ITGA6: variants seen among roughly 807,000 people sequenced by gnomAD.
The protein encoded by ITGA6 is integrin subunit alpha 6.
A neutral mutation model predicts 133.6 loss-of-function variants in ITGA6; 63 were observed. The ratio of observed to expected loss-of-function variants is 0.47; its 90% CI spans 0.38 to 0.58. The LOEUF is 0.58. Among genes scored for constraint, ITGA6 ranks in the 20% least tolerant of loss-of-function variants. ITGA6 has a pLI of 0.00. For synonymous variants in ITGA6, 434 were observed against 482.0 expected, an observed-to-expected ratio of 0.90 and a Z score of 1.30; for missense variants, 1,068 against 1,309.4, an observed-to-expected ratio of 0.82 and a Z score of 2.85.
At chr2:172,431,256 G>C (rs1255049532) in intron 1 of ITGA6, among the ~76,000 whole-genome samples, 1 of 152,196 alleles carries the variant, frequency 6.6e-6, no homozygotes, top group Non-Finnish European at 1.5e-5. Context: ...AGAAACTGAA[G>C]CTGAAAGTTC....
At chr2:172,471,754 A>C (rs1685948914) in intron 5 of ITGA6, among the ~76,000 whole-genome samples, 1 of 152,190 alleles carries the variant, frequency 6.6e-6, no homozygotes, top group African/African-American at 2.4e-5. Flanking sequence ...TGGGTGTCCT[A>C]AGTTATTCAT....
At chr2:172,442,075 C>T (rs924390271) in intron 1 of ITGA6, among the ~76,000 whole-genome samples, 13 of 152,208 alleles carry the variant, frequency 8.5e-5, no homozygotes, top group African/African-American at 1.9e-4. Context: ...AAACTAGGCT[C>T]GGATTTGCCT....
intron 1 of ITGA6, 86 bp downstream of exon 1, chr2:172,428,056 C>G (rs915124596): frequency 2.6e-5 from 37 of 1,429,106 alleles, no homozygotes; most frequent in Middle Eastern, 4.5e-4. Flanking sequence ...CCCGCCGGCC[C>G]CGGGGAGTAG....
intron 1 of ITGA6, among the ~76,000 whole-genome samples, chr2:172,432,214 A>G (rs920760319): frequency 2.6e-5 from 4 of 152,220 alleles, no homozygotes; most frequent in South Asian, 4.1e-4. Context: ...TTTTAAGAAT[A>G]TAATCATAGC....
At position 172,491,190 on chromosome 2, in the gene ITGA6, T is replaced by C; in HGVS notation, c.2779-31T>C. ...GGAAGGATTTCTTCAGAACAATGTC[T>C]TTTGATGACCATTCTTCTTTTTCTC... On this transcript the variant is annotated intron_variant, in intron 21 of 25. Transcript: ENST00000684293. The surrounding 1 kb of genome is among the most constrained non-coding windows in gnomAD (Gnocchi z 4.4). 6.7e-7 allele frequency: 1 copy of C among 1,482,686 alleles called. No individual in the cohort carries two copies. Among genetic ancestry groups the C allele is most frequent in the Non-Finnish European group, 9.4e-7 (1 of 1,060,252 alleles). 91.8% of individuals were successfully genotyped at this position (1,482,686 alleles called of 1,614,324 possible).
At chr2:172,458,853 C>A (rs1685317244) in intron 1 of ITGA6, among the ~76,000 whole-genome samples, 1 of 151,958 alleles carries the variant, frequency 6.6e-6, no homozygotes, top group South Asian at 2.1e-4. Context: ...CATGTTAAAC[C>A]CACAGAATAA....
At chr2:172,457,436 G>T (rs1298859558) in intron 1 of ITGA6, among the ~76,000 whole-genome samples, 1 of 152,068 alleles carries the variant, frequency 6.6e-6, no homozygotes. Context: ...ACTGGGTTAG[G>T]CATTGCTCTC....
Position 172,505,727 on chromosome 2 carries a change from G to T in ITGA6, c.*1659G>T, listed in dbSNP as rs1445083486. ...TGTAGTGCCACTGTTGTTTTGGGGG[G>T]GCTTTTTTCTTTTCGGAAATCTTAA... On this transcript the variant is annotated 3_prime_UTR_variant, in exon 26 of 26. Transcript: ENST00000684293. The T allele has an allele frequency of 2.0e-5, 3 of 152,336 alleles. No homozygotes were observed. Among genetic ancestry groups the T allele is most frequent in the Non-Finnish European group, 4.4e-5 (3 of 67,980 alleles). 9.4% of individuals were successfully genotyped at this position (152,336 alleles called of 1,614,324 possible).
chr2:172,434,513 C>T (rs1394739767), intron 1 of ITGA6, among the ~76,000 whole-genome samples: 1 of 152,112 alleles, frequency 6.6e-6, no homozygotes, highest in Admixed American at 6.5e-5. Flanking sequence ...CCAGTTCAGC[C>T]CCATGCCAGA....
chr2:172,499,461 C>G (rs1687263300), intron 24 of ITGA6, among the ~76,000 whole-genome samples: 1 of 152,146 alleles, frequency 6.6e-6, no homozygotes, highest in Non-Finnish European at 1.5e-5. Context: ...ACCTCCTGGG[C>G]TCAAGCAATC....
In ITGA6 at chr2:172,505,522, C is replaced by A. The variant is rs529493717; in HGVS notation, c.*1454C>A. 4 of 152,414 alleles carry A rather than the reference C, an allele frequency of 2.6e-5. No individual in the cohort carries two copies. The highest frequency in any genetic ancestry group is 4.4e-5 in the Non-Finnish European group (3 of 68,014). The allele number at this position is 152,414 out of a possible 1,614,324, so 9.4% of individuals were successfully genotyped here. On this transcript the variant is annotated 3_prime_UTR_variant, in exon 26 of 26. Coordinates refer to ENST00000684293, the MANE Select transcript of ITGA6 (RefSeq NM_000210.4). ...AATTGTGTTTTAATTGTAAAAATGG[C>A]AGGGGGTGGAATTATTACTCTATAC...
At position 172,487,457 on chromosome 2, in the gene ITGA6, A is replaced by G; in HGVS notation, c.2160+4A>G. The stretch of plus-strand genomic sequence containing the variant: ...TAGAGAACTGAGGGCTTTCCCTGTA[A>G]GTATTGTTAGAGACCAGCTGAGAGG... On this transcript the variant is annotated splice_donor_region_variant and intron_variant, in intron 15 of 25. Coordinates refer to ENST00000684293, the MANE Select transcript of ITGA6 (RefSeq NM_000210.4). 1 of 1,613,696 alleles carries G rather than the reference A, an allele frequency of 6.2e-7. No homozygotes were observed. The highest frequency in any genetic ancestry group is 8.5e-7 in the Non-Finnish European group (1 of 1,179,582).
rs890179235 is a variant in ITGA6, at chr2:172,487,130, T to C, written c.1962T>C (p.Tyr654=). The change falls in exon 14 of 26, where the codon TAT becomes TAC. Residue 654 remains tyrosine (Y), a synonymous_variant. Coordinates refer to ENST00000684293, the MANE Select transcript of ITGA6 (RefSeq NM_000210.4). ...AAGGAAATCAAGACAAATTTTCTTA[T>C]TTACCAATGTAAGAATCGTTGTGTA... is the stretch of plus-strand genomic sequence containing the variant. ...TREGNQDKFS[Y]LPIQKGVPEL... The C allele has an allele frequency of 1.0e-5, 16 of 1,589,280 alleles. No individual in the cohort carries two copies. Among genetic ancestry groups the C allele is most frequent in the South Asian group, 7.7e-5 (7 of 90,500 alleles).
chr2:172,440,122 C>G (rs1437002604), intron 1 of ITGA6, among the ~76,000 whole-genome samples: 1 of 152,142 alleles, frequency 6.6e-6, no homozygotes, highest in African/African-American at 2.4e-5. Context: ...CCTGTTTGCC[C>G]TCCTGGCCTT....
Position 172,504,090 on chromosome 2 carries a change from G to T in ITGA6, c.*23-1G>T. The T allele has an allele frequency of 1.3e-6, 2 of 1,576,208 alleles. No individual in the cohort carries two copies. Among genetic ancestry groups the T allele is most frequent in the Non-Finnish European group, 1.7e-6 (2 of 1,162,258 alleles). On this transcript the variant is annotated splice_acceptor_variant, in intron 25 of 25. Transcript: ENST00000684293. LOFTEE classifies it low-confidence loss of function (3UTR_SPLICE). Reference sequence around the variant, plus strand: ...TCTCTTTCTCTTTCCCTCTTCTCTAGTGTGGATTCTTTAAACGCTCTAGGT... The same window carrying T: ...TCTCTTTCTCTTTCCCTCTTCTCTATTGTGGATTCTTTAAACGCTCTAGGT...
intron 1 of ITGA6, among the ~76,000 whole-genome samples, chr2:172,461,707 C>T (rs1452286977): frequency 1.3e-5 from 2 of 152,192 alleles, no homozygotes; most frequent in African/African-American, 2.4e-5. Flanking sequence ...CAGTTTTTGG[C>T]ATTTAAGGGC....
intron 23 of ITGA6, among the ~76,000 whole-genome samples, chr2:172,497,502 C>CAA (rs34616494): frequency 0.039 from 3,447 of 89,454 alleles, 157 homozygotes; most frequent in African/African-American, 0.095. Context: ...ACCCTGTCTC[C>CAA]AAAAAAAAAA....
At position 172,491,089 on chromosome 2, in the gene ITGA6, T is replaced by G; in HGVS notation, c.2745T>G (p.Phe915Leu). 6.3e-7 allele frequency: 1 copy of G among 1,589,896 alleles called. No individual in the cohort carries two copies. The highest frequency in any genetic ancestry group is 1.1e-5 in the South Asian group (1 of 90,514). Residue 915 changes from phenylalanine to leucine, a missense_variant, in exon 21 of 26, where the codon TTT (phenylalanine) becomes TTG (leucine). Physicochemically the swap from Phe to Leu is conservative, Grantham distance 22. This residue lies in a region of ITGA6 where 609 missense variants were observed against 707.2 expected (regional missense o/e 0.86). Coordinates refer to ENST00000684293, the MANE Select transcript of ITGA6 (RefSeq NM_000210.4). This position sits in a 1 kb window ranked among gnomAD's most constrained non-coding sequence, Gnocchi z 4.4. ...TEKQIDDNRK[F>L]SLFAERKYQT... ...AACAGATAGATGATAACAGAAAATTTTCTTTATTTGCTGAAAGAAAATACC... is the reference window on the plus strand; with the variant it reads ...AACAGATAGATGATAACAGAAAATTGTCTTTATTTGCTGAAAGAAAATACC...
intron 25 of ITGA6, chr2:172,503,495 T>C (rs1687433679): frequency 1.3e-5 from 2 of 152,186 alleles, no homozygotes; most frequent in African/African-American, 2.4e-5. Flanking sequence ...ATTAATGAAA[T>C]AGCTTAATTA....
Sources: allele counts gnomAD v4.1 joint callset (sites outside exome capture counted in the v4.1 genomes callset), GRCh38; gene constraint gnomAD v4.1.1; regional missense constraint gnomAD v4.1.1; non-coding constraint Gnocchi (gnomAD v3.1); transcripts MANE v1.5; gene names NCBI Gene and HGNC (gene_info 2026-07-23, HGNC 2026-07-21).